The following MSX2 variants were observed in gnomAD, a reference collection of about 807,000 sequenced individuals.
The protein encoded by MSX2 is homeobox protein MSX-2.
MSX2 carries 10 observed loss-of-function variants against 18.4 expected under a neutral mutation model. That is an observed-to-expected ratio of 0.54 (90% CI 0.34 to 0.92). The LOEUF (loss-of-function observed/expected upper bound fraction) is 0.92. Ranked by LOEUF, MSX2 falls within the 40% of genes least tolerant of loss-of-function variation. The pLI, the probability that MSX2 is intolerant of heterozygous loss-of-function variation, is 0.02. For synonymous variants in MSX2, 170 were observed against 165.6 expected (o/e 1.03, Z -0.20); for missense variants, 339 against 364.0 (o/e 0.93, Z 0.56).
intron 1 of MSX2, 175 bp downstream of exon 1, chr5:174,725,213 G>A: frequency 3.0e-6 from 3 of 1,000,836 alleles, no homozygotes; most frequent in Non-Finnish European, 4.3e-6. Context: ...CGCCCAGTGC[G>A]CCGTCCGCAT....
At chr5:174,727,523 T>C (rs1760830290) in intron 1 of MSX2, among the ~76,000 whole-genome samples, 1 of 152,160 alleles carries the variant, frequency 6.6e-6, no homozygotes, top group Non-Finnish European at 1.5e-5. Context: ...TGAGTCCTCC[T>C]GAGGGCCCGG....
intron 1 of MSX2, 70 bp downstream of exon 1, chr5:174,725,108 AG>A: frequency 6.4e-7 from 1 of 1,573,862 alleles, no homozygotes; most frequent in South Asian, 1.2e-5. Context: ...CGGGTGTTCC[AG>A]GGCTGAGGGT....
chr5:174,726,384 C>T (rs1377626415), intron 1 of MSX2, among the ~76,000 whole-genome samples: 2 of 152,140 alleles, frequency 1.3e-5, no homozygotes, highest in African/African-American at 4.8e-5. Flanking sequence ...CTGGCAGTCT[C>T]TCTCCACCCT....
rs757757709 is a variant in MSX2, at chr5:174,729,567, T to G, written c.788T>G (p.Met263Arg). ...GLYATPVGYG[M>R]YHLS is the part of the protein sequence containing the mutation. ...TATGCCACGCCAGTGGGATATGGCA[T>G]GTACCACCTGTCCTAAGGAAGACCA... The change falls in exon 2 of 2, where the codon ATG becomes AGG. Residue 263 changes from methionine (M) to arginine (R), a missense_variant. Met to Arg is a moderately conservative substitution (Grantham distance 91). Transcript: ENST00000239243. 2.5e-6 allele frequency: 4 copies of G among 1,611,376 alleles called. No homozygotes were observed. In the African/African-American group the frequency reaches 5.3e-5, roughly 22 times the overall value.
At position 174,724,940 on chromosome 5, in the gene MSX2, C is replaced by A; in HGVS notation, c.281C>A (p.Pro94Gln). ...HGAREAHSPGPLVKPFETASV... is the reference protein window; with the variant it reads ...HGAREAHSPGQLVKPFETASV... ...GCTCGGGAAGCGCACAGCCCCGGGC[C>A]GCTGGTGAAGCCCTTCGAGACCGCC... The change falls in exon 1 of 2, where the codon CCG becomes CAG. Residue 94 changes from proline to glutamine, a missense_variant. Around this residue, in one of 2 missense-constraint regions of MSX2, gnomAD observed 211 missense variants for 185.4 expected, o/e 1.14. Transcript: ENST00000239243. 1 of 1,589,210 alleles carries A rather than the reference C, an allele frequency of 6.3e-7. No homozygotes were observed. The highest frequency in any genetic ancestry group is 8.5e-7 in the Non-Finnish European group (1 of 1,170,486).
At position 174,729,246 on chromosome 5, in the gene MSX2, C is replaced by T; in HGVS notation, c.467C>T (p.Ala156Val). Reference protein sequence around the residue: ...RTPFTTSQLLALERKFRQKQY... With the variant: ...RTPFTTSQLLVLERKFRQKQY... ...CCCTTTACCACATCCCAGCTCCTCG[C>T]CCTGGAGCGCAAGTTCCGTCAGAAA... Residue 156 changes from alanine (A) to valine (V), a missense_variant, in exon 2 of 2, where the codon GCC becomes GTC. Coordinates refer to ENST00000239243, the MANE Select transcript of MSX2 (RefSeq NM_002449.5). The T allele has an allele frequency of 6.2e-7, 1 of 1,614,172 alleles. No individual in the cohort carries two copies. Among genetic ancestry groups the T allele is most frequent in the Admixed American group, 1.7e-5 (1 of 60,020 alleles).
chr5:174,725,074 CG>C, intron 1 of MSX2, 36 bp downstream of exon 1: 1 of 1,605,468 alleles, frequency 6.2e-7, no homozygotes, highest in Non-Finnish European at 8.5e-7. Context: ...GGAGGTAGCG[CG>C]GGGTACTGGA....
chr5:174,729,689 C>T lies in MSX2; in HGVS notation c.*106C>T, dbSNP rs747163618. 107 of 1,215,752 alleles carry T rather than the reference C, an allele frequency of 8.8e-5. 1 individual carries two copies. In the Middle Eastern group the frequency reaches 2.1e-3, roughly 24 times the overall value. The allele number at this position is 1,215,752 out of a possible 1,614,324, so 75.3% of individuals were successfully genotyped here. On this transcript the variant is annotated 3_prime_UTR_variant, in exon 2 of 2. Transcript: ENST00000239243. ...CAGTACTCCTGCTCTGCTAACCCTG[C>T]GTGCACCACCCTAAGCGGCTAGGCT...
In MSX2 at chr5:174,729,934, T is replaced by C. The variant is rs1198391702; in HGVS notation, c.*351T>C. On this transcript the variant is annotated 3_prime_UTR_variant, in exon 2 of 2. Transcript: ENST00000239243. ...AAAAGGCAAAATTTATATACATATG[T>C]GCTTTTTTTCTATATCTCACCTTCC... is the stretch of plus-strand genomic sequence containing the variant. 2 of 152,504 alleles carry C rather than the reference T, an allele frequency of 1.3e-5. No individual in the cohort carries two copies. The highest frequency in any genetic ancestry group is 2.9e-5 in the Non-Finnish European group (2 of 68,378). The allele number at this position is 152,504 out of a possible 1,614,324, so 9.4% of individuals were successfully genotyped here.
intron 1 of MSX2, among the ~76,000 whole-genome samples, chr5:174,726,002 A>G (rs1361677439): frequency 6.6e-6 from 1 of 152,066 alleles, no homozygotes. Flanking sequence ...TGCCCTGACC[A>G]CTTTTGCGTC....
intron 1 of MSX2, among the ~76,000 whole-genome samples, chr5:174,727,146 T>C (rs1334887648): frequency 6.6e-6 from 1 of 151,560 alleles, no homozygotes; most frequent in African/African-American, 2.4e-5. Context: ...GTCAGAGTAG[T>C]GGGTCCTGAG....
Position 174,724,740 on chromosome 5 carries a change from G to A in MSX2, c.81G>A (p.Gly27=), listed in dbSNP as rs1760737992. Residue 27 remains glycine (G), a synonymous_variant, in exon 1 of 2, where the codon GGG becomes GGA. Coordinates refer to ENST00000239243, the MANE Select transcript of MSX2 (RefSeq NM_002449.5). ...CAGTGGTGGCCGGACCAGGCCCGGG[G>A]CCTGGGGGCGCCGAGGGGGCCGCGG... is the stretch of plus-strand genomic sequence containing the variant. ...GPAVVAGPGP[G]PGGAEGAAEE... is the part of the protein sequence containing the mutation. 3 of 1,578,418 alleles carry A rather than the reference G, an allele frequency of 1.9e-6. No individual in the cohort carries two copies. Among genetic ancestry groups the A allele is most frequent in the Middle Eastern group, 1.9e-4 (1 of 5,160 alleles).
chr5:174,724,857 G>T lies in MSX2; in HGVS notation c.198G>T (p.Pro66=), dbSNP rs1239799447. The T allele has an allele frequency of 6.4e-7, 1 of 1,553,094 alleles. No homozygotes were observed. The highest frequency in any genetic ancestry group is 2.4e-5 in the East Asian group (1 of 41,544). ...CGCCCAAGGAGGCGTCCCCGCTGCC[G>T]GCCGAAAGCGCCTCGGCCGGGGCCA... ...KKPPKEASPL[P]AESASAGATL... Residue 66 remains proline (P), a synonymous_variant, in exon 1 of 2, where the codon CCG becomes CCT. Coordinates refer to ENST00000239243, the MANE Select transcript of MSX2 (RefSeq NM_002449.5).
chr5:174,727,038 C>G (rs975535555), intron 1 of MSX2, among the ~76,000 whole-genome samples: 2 of 149,920 alleles, frequency 1.3e-5, no homozygotes, highest in Admixed American at 1.4e-4. Context: ...GCACATGTAT[C>G]CCGGAACTTA....
rs75707358 is a variant in MSX2 at position 174,726,840 on chromosome 5, G to C, written c.379+1802G>C. 4.5e-3 allele frequency among the ~76,000 whole-genome samples: 686 copies of C among 152,222 alleles called. 10 individuals carry two copies. Among genetic ancestry groups the C allele is most frequent in the African/African-American group, 0.016 (657 of 41,526 alleles). ...CAGGCCTTAAATGGAGTAGTGTCCA[G>C]AGGTTAGGAATCCTGCCATCCTTTA... On this transcript the variant is annotated intron_variant, in intron 1 of 1. Coordinates refer to ENST00000239243, the MANE Select transcript of MSX2 (RefSeq NM_002449.5).
chr5:174,727,842 A>T (rs1760837157), intron 1 of MSX2, among the ~76,000 whole-genome samples: 1 of 152,220 alleles, frequency 6.6e-6, no homozygotes, highest in Admixed American at 6.5e-5. Context: ...ACCCTCAAGT[A>T]TGAAGTGTAA....
chr5:174,724,872 G>T lies in MSX2; in HGVS notation c.213G>T (p.Ser71=), dbSNP rs889301558. The T allele has an allele frequency of 2.6e-6, 4 of 1,556,412 alleles. No individual in the cohort carries two copies. The highest frequency in any genetic ancestry group is 3.5e-6 in the Non-Finnish European group (4 of 1,150,498). Residue 71 remains serine, a synonymous_variant, in exon 1 of 2, where the codon TCG becomes TCT. Coordinates refer to ENST00000239243, the MANE Select transcript of MSX2 (RefSeq NM_002449.5). ...EASPLPAESA[S]AGATLRPLLL... is the part of the protein sequence containing the mutation. ...CCCCGCTGCCGGCCGAAAGCGCCTC[G>T]GCCGGGGCCACCCTGCGGCCACTGC... is the stretch of plus-strand genomic sequence containing the variant.
chr5:174,727,854 C>T (rs1261909675), intron 1 of MSX2, among the ~76,000 whole-genome samples: 1 of 152,314 alleles, frequency 6.6e-6, no homozygotes, highest in Admixed American at 6.5e-5. Context: ...GAAGTGTAAA[C>T]TCTTTCTTGG....
At chr5:174,725,062 TAGG>T in intron 1 of MSX2, 24 bp downstream of exon 1, 1 of 1,606,856 alleles carries the variant, frequency 6.2e-7, no homozygotes, top group Non-Finnish European at 8.5e-7. Context: ...GGGGCAGGAG[TAGG>T]AGGTAGCGCG....
Sources: allele counts gnomAD v4.1 joint callset (sites outside exome capture counted in the v4.1 genomes callset), GRCh38; gene constraint gnomAD v4.1.1; regional missense constraint gnomAD v4.1.1; transcripts MANE v1.5; gene names NCBI Gene and HGNC (gene_info 2026-07-23, HGNC 2026-07-21).